The following SNRPN variants were observed in gnomAD, a reference collection of about 807,000 sequenced individuals.
The protein encoded by SNRPN is small nuclear ribonucleoprotein polypeptide N.
In SNRPN, 7 loss-of-function variants were observed where a neutral mutation model predicts 25.2. That is an observed-to-expected ratio of 0.28 (90% confidence interval 0.16 to 0.52). The LOEUF is 0.52. Ranked by LOEUF, SNRPN falls within the 20% of genes least tolerant of loss-of-function variation. The pLI, the probability that SNRPN is intolerant of heterozygous loss-of-function variation, is 0.96. For synonymous variants in SNRPN, 124 were observed against 110.6 expected (o/e 1.12, Z -0.76); for missense variants, 196 against 322.5 (o/e 0.61, Z 3.00).
At chr15:24,846,309 A>G (rs1049026015) in intron 2 of SNRPN, among the ~76,000 whole-genome samples, 1 of 152,172 alleles carries the variant, frequency 6.6e-6, no homozygotes, top group African/African-American at 2.4e-5. Context: ...CATTATCAGT[A>G]TAAAGGAAGT....
rs2060615400 is a variant in SNRPN at position 24,929,079 on chromosome 15, G to T, written c.-391+8955G>T. 1.3e-5 allele frequency among the ~76,000 whole-genome samples: 2 copies of T among 152,086 alleles called. No individual in the cohort carries two copies. The highest frequency in any genetic ancestry group is 6.6e-5 in the Admixed American group (1 of 15,260). ...ACCAAGGTCTTGGTGCTACTGGTAT[G>T]TTATTGCTTTTAGGCCCTTCCAGAT... is the stretch of plus-strand genomic sequence containing the variant. On this transcript the variant is annotated intron_variant, in intron 3 of 11. Coordinates refer to the SNRPN transcript ENST00000400097. This position sits in a 1 kb window ranked among gnomAD's most constrained non-coding sequence, Gnocchi z 5.3.
chr15:24,923,922 C>CT (rs2060208362), intron 3 of SNRPN, among the ~76,000 whole-genome samples: 1 of 14,810 alleles, frequency 6.8e-5, no homozygotes, highest in Admixed American at 7.6e-4. Context: ...TGTATATAAA[C>CT]ATTTTTTTTT....
At chr15:24,930,711 C>A in intron 3 of SNRPN, among the ~76,000 whole-genome samples, 1 of 151,648 alleles carries the variant, frequency 6.6e-6, no homozygotes, top group East Asian at 1.9e-4. Flanking sequence ...ACCAGACTGG[C>A]CAACATGGTG....
At chr15:24,968,161 GAC>G (rs1489842743) in intron 3 of SNRPN, 79 bp downstream of exon 3, 2 of 853,120 alleles carry the variant, frequency 2.3e-6, no homozygotes, top group Non-Finnish European at 3.8e-6. Context: ...AATTATCAGT[GAC>G]ACATTAATTT....
At chr15:24,917,440 T>C (rs980421793) in intron 2 of SNRPN, among the ~76,000 whole-genome samples, 2 of 152,242 alleles carry the variant, frequency 1.3e-5, no homozygotes, top group Admixed American at 6.5e-5. Context: ...AATTTCGAAG[T>C]ATTTTTTGAG....
chr15:24,837,042 C>T (rs1021895428), intron 2 of SNRPN, among the ~76,000 whole-genome samples: 10 of 151,996 alleles, frequency 6.6e-5, no homozygotes, highest in Admixed American at 2.0e-4. Context: ...GCTTAAAATC[C>T]TTAGTGTGCC....
At chr15:24,834,751 C>CTCTCTATATATATATATATATA in intron 2 of SNRPN, among the ~76,000 whole-genome samples, 5 of 60,952 alleles carry the variant, frequency 8.2e-5, no homozygotes, top group Non-Finnish European at 1.7e-4. Flanking sequence ...CTCTCTCTCT[C>CTCTCTATATATATATATATATA]TATATATATA....
chr15:24,852,794 C>T (rs1283364503), upstream of SNRPN, among the ~76,000 whole-genome samples: 4 of 152,016 alleles, frequency 2.6e-5, no homozygotes, highest in Non-Finnish European at 5.9e-5. Context: ...GGTGTTGCAG[C>T]ATATGTCTGC....
At chr15:24,954,098 A>C (rs554150614), upstream of SNRPN, among the ~76,000 whole-genome samples, 2 of 152,336 alleles carry the variant, frequency 1.3e-5, no homozygotes, top group East Asian at 3.9e-4. Context: ...TCTTTTCTGC[A>C]GTGTCTTTTC....
intron 1 of SNRPN, among the ~76,000 whole-genome samples, chr15:24,958,344 A>G (rs1371027612): frequency 2.7e-5 from 4 of 149,156 alleles, no homozygotes; most frequent in Non-Finnish European, 5.9e-5. Flanking sequence ...TGGACAATGA[A>G]GTTTTAAAAA....
At chr15:24,842,255 G>T (rs2051772998) in intron 2 of SNRPN, among the ~76,000 whole-genome samples, 1 of 152,116 alleles carries the variant, frequency 6.6e-6, no homozygotes, top group African/African-American at 2.4e-5. Flanking sequence ...GGACAGCAAA[G>T]GTCATCACTA....
chr15:24,856,482 C>A (rs557600909), upstream of SNRPN: 1 of 152,404 alleles, frequency 6.6e-6, no homozygotes, highest in South Asian at 2.1e-4. Context: ...TGCGCAAGCG[C>A]AGTTGTACCA....
intron 1 of SNRPN, among the ~76,000 whole-genome samples, chr15:24,879,925 C>T (rs1282000121): frequency 6.6e-6 from 1 of 152,176 alleles, no homozygotes; most frequent in Admixed American, 6.6e-5. Flanking sequence ...ATGAGATTCA[C>T]ACTTGGGCTG....
chr15:24,827,631 G>A (rs2141144672), intron 1 of SNRPN, among the ~76,000 whole-genome samples: 1 of 151,984 alleles, frequency 6.6e-6, no homozygotes, highest in South Asian at 2.1e-4. Context: ...CACTTTGGGA[G>A]GTTGAGGCAG....
chr15:24,897,936 T>C (rs1240293340), intron 2 of SNRPN, among the ~76,000 whole-genome samples: 1 of 152,290 alleles, frequency 6.6e-6, no homozygotes, highest in East Asian at 1.9e-4. Context: ...TAATACACCC[T>C]GTATTAATGT....
chr15:24,855,387 G>A (rs1251618619), upstream of SNRPN, among the ~76,000 whole-genome samples: 5 of 152,108 alleles, frequency 3.3e-5, no homozygotes, highest in African/African-American at 7.2e-5. Flanking sequence ...AGAAAGGAAT[G>A]GATGAAACTT....
chr15:24,973,578 C>G (rs1489371457), intron 3 of SNRPN, among the ~76,000 whole-genome samples: 1 of 151,532 alleles, frequency 6.6e-6, no homozygotes. Flanking sequence ...TTTTGTATTT[C>G]TAGCAGAGAC....
At chr15:24,967,603 C>G (rs2075828801) in intron 2 of SNRPN, among the ~76,000 whole-genome samples, 1 of 150,940 alleles carries the variant, frequency 6.6e-6, no homozygotes, top group Non-Finnish European at 1.5e-5. Flanking sequence ...GATCGTGCCA[C>G]TGCACTCCAG....
chr15:24,906,980 T>C (rs1239494211), intron 2 of SNRPN, among the ~76,000 whole-genome samples: 1 of 151,268 alleles, frequency 6.6e-6, no homozygotes, highest in African/African-American at 2.4e-5. Flanking sequence ...GGAGGGAGGA[T>C]GAAGCAGTTA....
Sources: allele counts gnomAD v4.1 joint callset (sites outside exome capture counted in the v4.1 genomes callset), GRCh38; gene constraint gnomAD v4.1.1; non-coding constraint Gnocchi (gnomAD v3.1); transcripts MANE v1.5; gene names NCBI Gene and HGNC (gene_info 2026-07-23, HGNC 2026-07-21).